ZNF322: variants seen among roughly 807,000 people sequenced by gnomAD.
ZNF322 encodes HLA complex group 12.
In ZNF322, 1 loss-of-function variant was observed where a neutral mutation model predicts 18.3. The ratio of observed to expected loss-of-function variants is 0.05; its 90% CI spans 0.02 to 0.26. The LOEUF is 0.26. Among genes scored for constraint, ZNF322 ranks in the 10% least tolerant of loss-of-function variants. The probability of loss-of-function intolerance (pLI) is 1.00; values close to 1 mark genes in which losing one functional copy is unlikely to be tolerated. For missense variants in ZNF322, 36 were observed against 403.6 expected (o/e 0.09, Z 7.80); for synonymous variants, 17 against 130.7 (o/e 0.13, Z 5.93).
At chr6:26,644,133 T>C (rs1275292093) in intron 2 of ZNF322, among the ~76,000 whole-genome samples, 1 of 152,218 alleles carries the variant, frequency 6.6e-6, no homozygotes, top group African/African-American at 2.4e-5. Flanking sequence ...TTACCACCAC[T>C]GCAACCCACG....
At chr6:26,645,771 C>T (rs1554148689) in intron 2 of ZNF322, among the ~76,000 whole-genome samples, 1 of 152,036 alleles carries the variant, frequency 6.6e-6, no homozygotes, top group African/African-American at 2.4e-5. Context: ...GTGGCTCACG[C>T]CTGTAATCCC....
In ZNF322 at chr6:26,638,355, C is replaced by T; in HGVS notation, c.199G>A (p.Gly67Arg). 2 of 1,613,828 alleles carry T rather than the reference C, an allele frequency of 1.2e-6. No homozygotes were observed. The highest frequency in any genetic ancestry group is 1.1e-5 in the South Asian group (1 of 91,068). Residue 67 changes from glycine to arginine, a missense_variant, in exon 4 of 4, where the codon GGG (glycine) becomes AGG (arginine). Physicochemically the swap from Gly to Arg is moderately radical, Grantham distance 125. Coordinates refer to ENST00000415922, the MANE Select transcript of ZNF322 (RefSeq NM_024639.5). ...ATATCACATTTATAAGGTTTCTCCC[C>T]AGTATGGGTTCTCTCACACATAATA... ...ALIMCERTHT[G>R]EKPYKCDMCE... is the part of the protein sequence containing the mutation.
chr6:26,636,483 T>C lies in ZNF322; in HGVS notation c.*862A>G, dbSNP rs1438902573. ...AAACTATTTTCATACTGATTTCATGTAAAGTCCTCTCTACCATATGAGTCA... is the reference window on the plus strand; with the variant it reads ...AAACTATTTTCATACTGATTTCATGCAAAGTCCTCTCTACCATATGAGTCA... On this transcript the variant is annotated 3_prime_UTR_variant, in exon 4 of 4. Transcript: ENST00000415922. 1.3e-5 allele frequency: 2 copies of C among 151,614 alleles called. No individual in the cohort carries two copies. Among genetic ancestry groups the C allele is most frequent in the Non-Finnish European group, 2.9e-5 (2 of 67,918 alleles). 9.4% of individuals were successfully genotyped at this position (151,614 alleles called of 1,614,324 possible).
At chr6:26,641,362 C>T (rs1367120353) in intron 3 of ZNF322, among the ~76,000 whole-genome samples, 1 of 151,978 alleles carries the variant, frequency 6.6e-6, no homozygotes. Flanking sequence ...GTGACCACCG[C>T]GGGACATAAT....
chr6:26,642,760 T>A (rs1168707147), intron 3 of ZNF322, among the ~76,000 whole-genome samples: 3 of 152,192 alleles, frequency 2.0e-5, no homozygotes. Flanking sequence ...TCAAAGGAAG[T>A]GAGCAAAGGA....
intron 2 of ZNF322, among the ~76,000 whole-genome samples, chr6:26,646,496 T>C (rs963404706): frequency 6.6e-6 from 1 of 152,130 alleles, no homozygotes; most frequent in Non-Finnish European, 1.5e-5. Context: ...TGGTTATCTA[T>C]GTATCACATT....
chr6:26,657,358 C>T (rs1482938353), intron 2 of ZNF322, among the ~76,000 whole-genome samples: 1 of 152,074 alleles, frequency 6.6e-6, no homozygotes, highest in Non-Finnish European at 1.5e-5. Flanking sequence ...GGCACCTCTG[C>T]GTTATCTTCA....
rs1299545525 is a variant in ZNF322, at chr6:26,649,763, G to C, written c.-245-6035C>G. 2.9e-5 allele frequency among the ~76,000 whole-genome samples: 4 copies of C among 136,238 alleles called. No homozygotes were observed. The Admixed American group carries it at 3.3e-4, about 11-fold the overall frequency. 89.4% of individuals were successfully genotyped at this position (136,238 alleles called of 152,430 possible). On this transcript the variant is annotated intron_variant, in intron 2 of 3. Transcript: ENST00000415922. ...TTGTTGCCCAGACTGGAGTGCAATGGCGTGATCTTGGCTCACCACAACCTC... is the reference window on the plus strand; with the variant it reads ...TTGTTGCCCAGACTGGAGTGCAATGCCGTGATCTTGGCTCACCACAACCTC...
chr6:26,659,198 T>C lies in ZNF322; in HGVS notation c.-335+243A>G, dbSNP rs577886353. 2.0e-5 allele frequency among the ~76,000 whole-genome samples: 3 copies of C among 152,378 alleles called. No individual in the cohort carries two copies. In the South Asian group the frequency reaches 6.2e-4, roughly 32 times the overall value. ...CAAGGTCCTTTTTTTCCTCGATATA[T>C]ATGAAAGATTATATTGCTTTGAAAA... is the stretch of plus-strand genomic sequence containing the variant. On this transcript the variant is annotated intron_variant, in intron 1 of 3. Coordinates refer to ENST00000415922, the MANE Select transcript of ZNF322 (RefSeq NM_024639.5).
chr6:26,642,633 T>C (rs188134281), intron 3 of ZNF322, among the ~76,000 whole-genome samples: 37 of 152,338 alleles, frequency 2.4e-4, no homozygotes, highest in Admixed American at 7.8e-4. Flanking sequence ...CAGTATACTC[T>C]GTCACCGTCA....
chr6:26,656,971 G>A (rs567745084), intron 2 of ZNF322, among the ~76,000 whole-genome samples: 17 of 152,220 alleles, frequency 1.1e-4, no homozygotes, highest in South Asian at 4.1e-4. Context: ...TCATAAGGCC[G>A]GGCGTGGTGG....
chr6:26,642,436 G>A (rs1554148401), intron 3 of ZNF322, among the ~76,000 whole-genome samples: 6 of 152,032 alleles, frequency 3.9e-5, no homozygotes, highest in African/African-American at 4.8e-5. Flanking sequence ...TCAGTCTCTC[G>A]TCTCCACCTT....
intron 2 of ZNF322, among the ~76,000 whole-genome samples, chr6:26,644,265 T>C (rs1765516982): frequency 6.6e-6 from 1 of 152,176 alleles, no homozygotes; most frequent in African/African-American, 2.4e-5. Flanking sequence ...AGTCCACACT[T>C]AACCATTGAT....
chr6:26,649,679 ATATATATATATATATATATATATT>A (rs1765626291), intron 2 of ZNF322, among the ~76,000 whole-genome samples: 1 of 42,030 alleles, frequency 2.4e-5, no homozygotes, highest in Non-Finnish European at 4.0e-5. Context: ...GTGTGTGTAT[ATATATATATATATATATATATATT>A]TTTTTTTTTT....
In ZNF322 at chr6:26,641,908, G is replaced by A. The variant is rs782245168; in HGVS notation, c.-176+1751C>T. ...CTTACCGTCCCCTAGCCCGACACCC[G>A]TAAAGGGTCTGTGCTGAGGAGGATT... On this transcript the variant is annotated intron_variant, in intron 3 of 3. Coordinates refer to ENST00000415922, the MANE Select transcript of ZNF322 (RefSeq NM_024639.5). Among the ~76,000 whole-genome samples, 29 of 152,088 alleles carry A rather than the reference G, an allele frequency of 1.9e-4. 1 individual carries two copies. The highest frequency in any genetic ancestry group is 2.4e-4 in the Non-Finnish European group (16 of 68,016).
At chr6:26,640,351 C>A (rs1341922377) in intron 3 of ZNF322, among the ~76,000 whole-genome samples, 1 of 152,170 alleles carries the variant, frequency 6.6e-6, no homozygotes, top group Non-Finnish European at 1.5e-5. Flanking sequence ...CATTTCTCTG[C>A]TCTTCCTCTA....
At chr6:26,650,355 T>G (rs1294051593) in intron 2 of ZNF322, 1 of 152,174 alleles carries the variant, frequency 6.6e-6, no homozygotes, top group East Asian at 1.9e-4. Flanking sequence ...TGGTGAAAAC[T>G]TAGAAGCTTT....
intron 2 of ZNF322, among the ~76,000 whole-genome samples, chr6:26,657,065 G>C (rs1392526168): frequency 6.6e-6 from 1 of 152,060 alleles, no homozygotes; most frequent in Non-Finnish European, 1.5e-5. Flanking sequence ...TGGCTAACAC[G>C]GTGAAACCCC....
chr6:26,652,398 G>T (rs1765687169), intron 2 of ZNF322, among the ~76,000 whole-genome samples: 1 of 152,094 alleles, frequency 6.6e-6, no homozygotes, highest in Non-Finnish European at 1.5e-5. Flanking sequence ...TAAAAAAACT[G>T]GCAAGTCAAG....
Sources: gnomAD v4.1 joint callset for allele counts (sites outside exome capture counted in the v4.1 genomes callset) on GRCh38, gnomAD v4.1.1 for gene constraint, MANE v1.5 for transcripts, NCBI Gene and HGNC (gene_info 2026-07-23, HGNC 2026-07-21) for gene names.